The following ADAMTS12 variants were observed in gnomAD, a reference collection of about 807,000 sequenced individuals.
ADAMTS12 encodes ADAM metallopeptidase with thrombospondin type 1 motif 12, also known as A disintegrin and metalloproteinase with thrombospondin motifs 12.
Under a neutral mutation model 167.8 loss-of-function variants are expected in ADAMTS12, and 118 were observed. The observed-to-expected ratio is 0.70, with a 90% CI of 0.61 to 0.82. The LOEUF is 0.82. ADAMTS12 is among the 40% of genes least tolerant of loss of function. The probability of loss-of-function intolerance (pLI) is 0.00; values close to 1 mark genes in which losing one functional copy is unlikely to be tolerated. For synonymous variants in ADAMTS12, 704 were observed against 716.9 expected, an observed-to-expected ratio of 0.98 and a Z score of 0.29; for missense variants, 1,916 against 1,998.8, an observed-to-expected ratio of 0.96 and a Z score of 0.79.
chr5:33,648,251 T>C (rs1019672259), intron 9 of ADAMTS12, among the ~76,000 whole-genome samples: 1 of 152,016 alleles, frequency 6.6e-6, no homozygotes, highest in Non-Finnish European at 1.5e-5. Context: ...TGAGCAACAA[T>C]TTGAATAGGA....
chr5:33,682,759 C>T (rs80018223), intron 5 of ADAMTS12, among the ~76,000 whole-genome samples: 19,471 of 152,102 alleles, frequency 0.13, 1,677 homozygotes, highest in South Asian at 0.43. Context: ...TTAGTGACTG[C>T]GGTGAGTCTC....
chr5:33,658,077 A>T, intron 7 of ADAMTS12, 107 bp downstream of exon 7: 1 of 1,395,096 alleles, frequency 7.2e-7, no homozygotes, highest in Non-Finnish European at 9.9e-7. Flanking sequence ...CCACAGTATA[A>T]TCTGAGTCTC....
chr5:33,881,236 C>T lies in ADAMTS12; in HGVS notation c.372G>A (p.Gly124=), dbSNP rs749443768. The change falls in exon 2 of 24, where the codon GGG becomes GGA. Residue 124 remains glycine, a synonymous_variant. Coordinates refer to ENST00000504830, the MANE Select transcript of ADAMTS12 (RefSeq NM_030955.4). ...CCATCATCTTAACATGGGAGAGGTT[C>T]CCATATCTCTTCTCCATGATGTAGC... ...SNSYIMEKRY[G]NLSHVKMMAS... The T allele has an allele frequency of 3.7e-5, 60 of 1,614,050 alleles. No individual in the cohort carries two copies. The Middle Eastern group carries it at 4.9e-4, about 13-fold the overall frequency.
intron 5 of ADAMTS12, among the ~76,000 whole-genome samples, chr5:33,669,379 T>A (rs1350034569): frequency 6.6e-6 from 1 of 152,138 alleles, no homozygotes; most frequent in Non-Finnish European, 1.5e-5. Context: ...ATGGGGAAGC[T>A]CTTACCCAAA....
intron 17 of ADAMTS12, among the ~76,000 whole-genome samples, chr5:33,589,999 A>G (rs1747554777): frequency 6.6e-6 from 1 of 152,336 alleles, no homozygotes; most frequent in East Asian, 1.9e-4. Flanking sequence ...TTACTTATTT[A>G]TTCTTTGGTG....
chr5:33,795,519 T>C (rs896224793), intron 2 of ADAMTS12, among the ~76,000 whole-genome samples: 2 of 152,178 alleles, frequency 1.3e-5, no homozygotes, highest in African/African-American at 4.8e-5. Context: ...GCACTGAAAC[T>C]AGGAAATAGT....
chr5:33,527,528 G>A (rs992026749), intron 23 of ADAMTS12, among the ~76,000 whole-genome samples, 162 bp from the exon 24 acceptor site: 4 of 152,146 alleles, frequency 2.6e-5, no homozygotes, highest in Admixed American at 6.5e-5. Flanking sequence ...TGTATCAGAC[G>A]CTGTGCAGAG....
At chr5:33,787,151 CA>C (rs1228598290) in intron 2 of ADAMTS12, among the ~76,000 whole-genome samples, 2 of 151,916 alleles carry the variant, frequency 1.3e-5, no homozygotes, top group East Asian at 3.9e-4. Flanking sequence ...GGAGTTTTTC[CA>C]TTCTTGGAAG....
chr5:33,835,253 T>C (rs373922261), intron 2 of ADAMTS12, among the ~76,000 whole-genome samples: 2 of 152,324 alleles, frequency 1.3e-5, no homozygotes, highest in African/African-American at 4.8e-5. Context: ...TCTGTTTTAC[T>C]GTATCCCCAG....
In ADAMTS12 at chr5:33,523,659, C is replaced by T. The variant is rs1206808282; in HGVS notation, c.*3529G>A. 1 of 152,156 alleles carries T rather than the reference C, an allele frequency of 6.6e-6. No homozygotes were observed. The highest frequency in any genetic ancestry group is 6.5e-5 in the Admixed American group (1 of 15,270). 9.4% of individuals were successfully genotyped at this position (152,156 alleles called of 1,614,324 possible). A position where few individuals can be genotyped will look rare whatever the true frequency, so the allele number is the denominator to read the frequency against. ...GGTAGAAGGGGAAATGGCAAAGCAGCACAGAGATGCAGGGAGGGCAATGGG... is the reference window on the plus strand; with the variant it reads ...GGTAGAAGGGGAAATGGCAAAGCAGTACAGAGATGCAGGGAGGGCAATGGG... On this transcript the variant is annotated 3_prime_UTR_variant, in exon 24 of 24. Transcript: ENST00000504830.
intron 21 of ADAMTS12, 71 bp from the exon 22 acceptor site, chr5:33,546,273 C>G: frequency 1.4e-6 from 2 of 1,429,534 alleles, no homozygotes; most frequent in South Asian, 1.5e-5. Context: ...TGAAGAACTT[C>G]GTACTGTCAT....
At chr5:33,807,574 G>A (rs769678878) in intron 2 of ADAMTS12, among the ~76,000 whole-genome samples, 3 of 152,146 alleles carry the variant, frequency 2.0e-5, no homozygotes, top group African/African-American at 4.8e-5. Flanking sequence ...TAAAAATCTG[G>A]TGGTGTTGAC....
intron 16 of ADAMTS12, chr5:33,603,336 T>A (rs1579732642): frequency 1.3e-5 from 2 of 152,240 alleles, no homozygotes; most frequent in African/African-American, 4.8e-5. Context: ...GAGATGAATA[T>A]CTGTGTCAAG....
At chr5:33,873,780 C>T (rs1750127815) in intron 2 of ADAMTS12, among the ~76,000 whole-genome samples, 1 of 152,114 alleles carries the variant, frequency 6.6e-6, no homozygotes, top group Non-Finnish European at 1.5e-5. Flanking sequence ...TTATCTTTGA[C>T]AAAGTGGGAA....
intron 2 of ADAMTS12, among the ~76,000 whole-genome samples, chr5:33,877,621 A>AGAAG (rs1355607798): frequency 4.6e-5 from 7 of 152,198 alleles, no homozygotes; most frequent in Non-Finnish European, 7.3e-5. Flanking sequence ...TGTTGATGGG[A>AGAAG]GAAGGGTAGT....
At chr5:33,838,577 G>C (rs1290499375) in intron 2 of ADAMTS12, among the ~76,000 whole-genome samples, 1 of 152,162 alleles carries the variant, frequency 6.6e-6, no homozygotes, top group African/African-American at 2.4e-5. Flanking sequence ...CAGCTATGTG[G>C]AGGCTGAGGT....
intron 3 of ADAMTS12, among the ~76,000 whole-genome samples, chr5:33,748,884 C>A (rs1744881569): frequency 6.6e-6 from 1 of 152,062 alleles, no homozygotes; most frequent in African/African-American, 2.4e-5. Flanking sequence ...TTTCATTACA[C>A]CAAGATTTAA....
chr5:33,697,483 A>G (rs987640262), intron 3 of ADAMTS12, among the ~76,000 whole-genome samples: 4 of 152,232 alleles, frequency 2.6e-5, no homozygotes, highest in African/African-American at 9.6e-5. Context: ...CTAGAGAAAC[A>G]GATTGTGGGA....
chr5:33,705,421 G>A (rs138222189), intron 3 of ADAMTS12, among the ~76,000 whole-genome samples: 110 of 152,020 alleles, frequency 7.2e-4, no homozygotes, highest in African/African-American at 2.6e-3. Flanking sequence ...GTATATTCTG[G>A]ATGTTAGTGC....
Sources: gnomAD v4.1 joint callset for allele counts (sites outside exome capture counted in the v4.1 genomes callset) on GRCh38, gnomAD v4.1.1 for gene constraint, MANE v1.5 for transcripts, NCBI Gene and HGNC (gene_info 2026-07-23, HGNC 2026-07-21) for gene names.